NRXN1: variants seen among roughly 807,000 people sequenced by gnomAD.
NRXN1 encodes the protein neurexin-1.
A neutral mutation model predicts 150.9 loss-of-function variants in NRXN1; 39 were observed. That is an observed-to-expected ratio of 0.26 (90% CI 0.20 to 0.34). The LOEUF (loss-of-function observed/expected upper bound fraction) is 0.34. NRXN1 is among the 10% of genes least tolerant of loss of function. The probability of loss-of-function intolerance (pLI) is 1.00; values close to 1 mark genes in which losing one functional copy is unlikely to be tolerated. For missense variants in NRXN1, 1,815 were observed against 1,949.9 expected, an observed-to-expected ratio of 0.93 and a Z score of 1.30; for synonymous variants, 924 against 757.0, an observed-to-expected ratio of 1.22 and a Z score of -3.62.
Position 50,664,277 on chromosome 2 carries a change from C to T in NRXN1, c.833-40662G>A, listed in dbSNP as rs865896556. Among the ~76,000 whole-genome samples, 6 of 151,992 alleles carry T rather than the reference C, an allele frequency of 3.9e-5. No homozygotes were observed. The Middle Eastern group carries it at 0.017, about 431-fold the overall frequency. Reference sequence around the variant, plus strand: ...ATTATAAGACAAACTAAGGAACAAACAGCATGCTTCTCTCTTCAAAGAAAC... The same window carrying T: ...ATTATAAGACAAACTAAGGAACAAATAGCATGCTTCTCTCTTCAAAGAAAC... On this transcript the variant is annotated intron_variant, in intron 5 of 22. Transcript: ENST00000401669.
chr2:50,454,830 A>C (rs1244233904), intron 17 of NRXN1, among the ~76,000 whole-genome samples: 13 of 152,160 alleles, frequency 8.5e-5, no homozygotes. Context: ...ATAAAGACTT[A>C]TACACATAAA....
At chr2:50,098,821 T>C (rs1470609116) in intron 18 of NRXN1, among the ~76,000 whole-genome samples, 7 of 120,114 alleles carry the variant, frequency 5.8e-5, no homozygotes, top group Non-Finnish European at 8.8e-5. Context: ...GGTTTTGTTT[T>C]TGGTTTTAGT....
chr2:50,522,719 CATTTTTTTTTTTTTTT>C (rs1255877616), intron 12 of NRXN1, among the ~76,000 whole-genome samples: 5 of 86,596 alleles, frequency 5.8e-5, no homozygotes, highest in East Asian at 4.2e-4. Flanking sequence ...TATTTTTATT[CATTTTTTTTTTTTTTT>C]TTTTTTTTTT....
rs188251212 is a variant in NRXN1 at position 50,849,160 on chromosome 2, G to A, written c.832+72709C>T. 5.3e-3 allele frequency among the ~76,000 whole-genome samples: 707 copies of A among 133,212 alleles called. 2 individuals carry two copies. Among genetic ancestry groups the A allele is most frequent in the Non-Finnish European group, 0.011 (600 of 55,320 alleles). The allele number at this position is 133,212 out of a possible 152,430, so 87.4% of individuals were successfully genotyped here. A position where few individuals can be genotyped will look rare whatever the true frequency, so the allele number is the denominator to read the frequency against. On this transcript the variant is annotated intron_variant, in intron 5 of 22. Coordinates refer to ENST00000401669, the MANE Select transcript of NRXN1 (RefSeq NM_001330078.2). ...TTACTGCCTATATATCCTGAACTAC[G>A]TAACTCGGAATTTAATTTTATAAGT...
intron 17 of NRXN1, among the ~76,000 whole-genome samples, chr2:50,455,378 C>T (rs184354327): frequency 4.9e-4 from 75 of 152,118 alleles, no homozygotes; most frequent in Non-Finnish European, 9.1e-4. Context: ...AGAGAGGTTG[C>T]ATTTAGAACT....
At chr2:50,680,407 G>C (rs751153638) in intron 5 of NRXN1, among the ~76,000 whole-genome samples, 1 of 151,942 alleles carries the variant, frequency 6.6e-6, no homozygotes, top group Non-Finnish European at 1.5e-5. Flanking sequence ...AAAGAAAAAA[G>C]ATTTTAAAAT....
chr2:50,722,268 C>G (rs974426474), intron 5 of NRXN1, among the ~76,000 whole-genome samples: 5 of 151,966 alleles, frequency 3.3e-5, no homozygotes, highest in South Asian at 2.1e-4. Flanking sequence ...GTCTTCACAG[C>G]AAAAGGAGGT....
intron 9 of NRXN1, among the ~76,000 whole-genome samples, chr2:50,545,250 C>T (rs1165411048): frequency 6.6e-6 from 1 of 152,112 alleles, no homozygotes; most frequent in Non-Finnish European, 1.5e-5. Context: ...CATATATAAA[C>T]ACACATACAC....
At chr2:49,933,973 G>A (rs540018368) in intron 22 of NRXN1, among the ~76,000 whole-genome samples, 6 of 152,294 alleles carry the variant, frequency 3.9e-5, no homozygotes, top group African/African-American at 1.4e-4. Flanking sequence ...GCATTGTAGG[G>A]CATGTTGTTT....
chr2:50,347,730 G>A lies in NRXN1; in HGVS notation c.3365-110760C>T, dbSNP rs1008040074. On this transcript the variant is annotated intron_variant, in intron 17 of 22. Transcript: ENST00000401669. The surrounding 1 kb of genome is among the most constrained non-coding windows in gnomAD (Gnocchi z 4.9). ...GACGAAGGAGTAAGGGAGAGAAACA[G>A]AAAAAGAAAAAGAAAAAGAAAAAAA... is the stretch of plus-strand genomic sequence containing the variant. 10 of 985,624 alleles carry A rather than the reference G, an allele frequency of 1.0e-5. No individual in the cohort carries two copies. The highest frequency in any genetic ancestry group is 1.1e-5 in the Non-Finnish European group (9 of 830,236). 61.1% of individuals were successfully genotyped at this position (985,624 alleles called of 1,614,324 possible). A position where few individuals can be genotyped will look rare whatever the true frequency, so the allele number is the denominator to read the frequency against.
intron 18 of NRXN1, among the ~76,000 whole-genome samples, chr2:50,125,679 T>C (rs931058233): frequency 1.3e-5 from 2 of 152,134 alleles, no homozygotes; most frequent in African/African-American, 4.8e-5. Context: ...TTCTCATTTG[T>C]ATGCTGATCT....
intron 17 of NRXN1, among the ~76,000 whole-genome samples, chr2:50,455,697 T>G (rs1053420940): frequency 2.0e-5 from 3 of 152,284 alleles, no homozygotes; most frequent in Admixed American, 6.5e-5. Flanking sequence ...TCAGAATTGA[T>G]GTCATCAAAG....
intron 2 of NRXN1, among the ~76,000 whole-genome samples, chr2:51,020,015 G>A (rs964530763): frequency 4.6e-5 from 7 of 151,202 alleles, no homozygotes; most frequent in African/African-American, 1.7e-4. Flanking sequence ...TATATTCAGT[G>A]CATTGGTATT....
intron 17 of NRXN1, among the ~76,000 whole-genome samples, chr2:50,367,963 C>A (rs977623057): frequency 6.6e-6 from 1 of 151,978 alleles, no homozygotes; most frequent in African/African-American, 2.4e-5. Context: ...TGCCCTAATT[C>A]TTGGGCACCA....
chr2:50,572,462 CTAATA>C, intron 8 of NRXN1, among the ~76,000 whole-genome samples: 1 of 152,128 alleles, frequency 6.6e-6, no homozygotes, highest in Non-Finnish European at 1.5e-5. Flanking sequence ...TTTAGCCCAT[CTAATA>C]TATGAATGAT....
At chr2:50,577,282 A>G (rs1671581418) in intron 8 of NRXN1, among the ~76,000 whole-genome samples, 1 of 152,112 alleles carries the variant, frequency 6.6e-6, no homozygotes, top group African/African-American at 2.4e-5. Context: ...GAAATCCAAA[A>G]GAAAATGTTG....
chr2:50,811,758 T>C (rs958776050), intron 5 of NRXN1, among the ~76,000 whole-genome samples: 10 of 152,156 alleles, frequency 6.6e-5, no homozygotes, highest in African/African-American at 2.4e-4. Flanking sequence ...TAAAAGAAGA[T>C]AAAAATCTAA....
chr2:50,170,007 C>T (rs1343772437), intron 18 of NRXN1, among the ~76,000 whole-genome samples: 1 of 151,900 alleles, frequency 6.6e-6, no homozygotes, highest in East Asian at 1.9e-4. Context: ...TATTTCTGAT[C>T]ATGACCCACA....
chr2:50,845,781 C>A (rs1484450652), intron 5 of NRXN1, among the ~76,000 whole-genome samples: 2 of 152,148 alleles, frequency 1.3e-5, no homozygotes, highest in African/African-American at 2.4e-5. Context: ...CTCCCCACCA[C>A]AGATATGTCT....
Sources: gnomAD v4.1 joint callset for allele counts (sites outside exome capture counted in the v4.1 genomes callset) on GRCh38, gnomAD v4.1.1 for gene constraint, Gnocchi (gnomAD v3.1) non-coding constraint, MANE v1.5 for transcripts, NCBI Gene and HGNC (gene_info 2026-07-23, HGNC 2026-07-21) for gene names.